Variants in CELF4 observed in about 807,000 individuals in gnomAD.
The protein encoded by CELF4 is CUGBP Elav-like family member 4, also known as CUG-BP- and ETR-3-like factor 4.
In CELF4, 18 loss-of-function variants were observed where a neutral mutation model predicts 59.9. That is an observed-to-expected ratio of 0.30 (90% CI 0.21 to 0.45). The LOEUF (loss-of-function observed/expected upper bound fraction) is 0.45. Among genes scored for constraint, CELF4 ranks in the 20% least tolerant of loss-of-function variants. CELF4 has a pLI of 1.00. For synonymous variants in CELF4, 261 were observed against 267.1 expected, an observed-to-expected ratio of 0.98 and a Z score of 0.22; for missense variants, 456 against 689.0, an observed-to-expected ratio of 0.66 and a Z score of 3.79.
At chr18:37,288,081 C>G (rs925018437) in intron 3 of CELF4, among the ~76,000 whole-genome samples, 1 of 152,214 alleles carries the variant, frequency 6.6e-6, no homozygotes, top group Non-Finnish European at 1.5e-5. Context: ...ACCAGCTTCT[C>G]TTTCAACACA....
intron 9 of CELF4, 58 bp from the exon 10 acceptor site, chr18:37,264,815 A>G (rs2076621044): frequency 7.2e-7 from 1 of 1,395,344 alleles, no homozygotes; most frequent in African/African-American, 1.4e-5. Flanking sequence ...GGAAGCAGGA[A>G]GAAAGAGAGA....
chr18:37,451,474 T>G (rs995093530), intron 2 of CELF4, among the ~76,000 whole-genome samples: 1 of 152,202 alleles, frequency 6.6e-6, no homozygotes, highest in African/African-American at 2.4e-5. Flanking sequence ...TATGCAGGTA[T>G]GTACCCATGT....
chr18:37,369,740 C>T (rs1423846846), intron 2 of CELF4, among the ~76,000 whole-genome samples: 3 of 152,226 alleles, frequency 2.0e-5, no homozygotes, highest in Non-Finnish European at 2.9e-5. Flanking sequence ...CAGTGACTCT[C>T]GTAGAATCAC....
At chr18:37,318,000 T>G (rs1175753097) in intron 3 of CELF4, among the ~76,000 whole-genome samples, 1 of 152,190 alleles carries the variant, frequency 6.6e-6, no homozygotes, top group Non-Finnish European at 1.5e-5. Flanking sequence ...GAGAGAAGCC[T>G]TCCTCCTGCC....
chr18:37,560,447 T>C (rs1318316508), intron 1 of CELF4, among the ~76,000 whole-genome samples: 1 of 152,256 alleles, frequency 6.6e-6, no homozygotes, highest in African/African-American at 2.4e-5. Context: ...TAATGGTGAT[T>C]GTTGCTTTGA....
In CELF4 at chr18:37,254,526, G is replaced by A. The variant is rs1005036226; in HGVS notation, c.1334-588C>T. On this transcript the variant is annotated intron_variant, in intron 11 of 12. Coordinates refer to ENST00000420428, the MANE Select transcript of CELF4 (RefSeq NM_020180.4). This position sits in a 1 kb window ranked among gnomAD's most constrained non-coding sequence, Gnocchi z 5.1. ...GAGGCTGAGCCCTCGCGGGCCCTCC[G>A]CCCCCACTCCCGGCCTCTGCCCGCC... Among the ~76,000 whole-genome samples the A allele has an allele frequency of 6.6e-6, 1 of 151,746 alleles. No homozygotes were observed. Among genetic ancestry groups the A allele is most frequent in the African/African-American group, 2.4e-5 (1 of 41,288 alleles).
At chr18:37,255,091 A>C (rs1402415636) in intron 11 of CELF4, among the ~76,000 whole-genome samples, 1 of 152,152 alleles carries the variant, frequency 6.6e-6, no homozygotes, top group Non-Finnish European at 1.5e-5. Context: ...TTTCTCCTGT[A>C]AAAAGGACTT....
chr18:37,531,822 G>C (rs540245719), intron 1 of CELF4, among the ~76,000 whole-genome samples: 8 of 152,332 alleles, frequency 5.3e-5, no homozygotes, highest in Admixed American at 2.6e-4. Context: ...TCCGGGTGCA[G>C]TTAGGGTCCT....
chr18:37,556,715 C>CTTG, intron 1 of CELF4, among the ~76,000 whole-genome samples: 1 of 152,062 alleles, frequency 6.6e-6, no homozygotes, highest in African/African-American at 2.4e-5. Context: ...CTTGCTTGTC[C>CTTG]CTGTAAAGGG....
chr18:37,430,862 A>G (rs758420304), intron 2 of CELF4, among the ~76,000 whole-genome samples: 27 of 152,300 alleles, frequency 1.8e-4, no homozygotes, highest in Admixed American at 3.3e-4. Flanking sequence ...CTGGCACATT[A>G]GCAGGTCTCA....
chr18:37,390,804 G>GAGC lies in CELF4; in HGVS notation c.370-68924_370-68923insGCT, dbSNP rs759387784. On this transcript the variant is annotated intron_variant, in intron 2 of 12. Coordinates refer to ENST00000420428, the MANE Select transcript of CELF4 (RefSeq NM_020180.4). The stretch of plus-strand genomic sequence containing the variant: ...GAAGGCTGGTGGTGGTGATGGGGCG[G>GAGC]GGAGGGGGGGCAGTGCTGCTGGCCG... Among the ~76,000 whole-genome samples, 10 of 66,282 alleles carry GAGC rather than the reference G, an allele frequency of 1.5e-4. 2 individuals are homozygous for GAGC. Among genetic ancestry groups the GAGC allele is most frequent in the Admixed American group, 2.8e-4 (2 of 7,196 alleles). 43.5% of individuals were successfully genotyped at this position (66,282 alleles called of 152,430 possible). A position where few individuals can be genotyped will look rare whatever the true frequency, so the allele number is the denominator to read the frequency against.
intron 1 of CELF4, among the ~76,000 whole-genome samples, chr18:37,535,187 G>A (rs2099972560): frequency 6.6e-6 from 1 of 152,150 alleles, no homozygotes; most frequent in African/African-American, 2.4e-5. Flanking sequence ...TGGAGGATTA[G>A]CTAATTGGTG....
intron 3 of CELF4, among the ~76,000 whole-genome samples, chr18:37,283,370 TC>T (rs763878713): frequency 5.8e-4 from 88 of 151,702 alleles, no homozygotes; most frequent in Non-Finnish European, 1.1e-3. Context: ...CTGTGGTGGC[TC>T]CCCCTCACTC....
chr18:37,251,505 C>T (rs2154267667), intron 12 of CELF4, among the ~76,000 whole-genome samples: 1 of 152,302 alleles, frequency 6.6e-6, no homozygotes, highest in East Asian at 1.9e-4. Flanking sequence ...AGGGGTGCCC[C>T]TTGGAATCTC....
intron 2 of CELF4, among the ~76,000 whole-genome samples, chr18:37,386,423 G>A (rs2099100235): frequency 6.6e-6 from 1 of 152,202 alleles, no homozygotes; most frequent in African/African-American, 2.4e-5. Context: ...AGACGGGAAG[G>A]CAGTGCTGTG....
At chr18:37,277,546 G>T (rs2093518087) in intron 3 of CELF4, among the ~76,000 whole-genome samples, 1 of 152,170 alleles carries the variant, frequency 6.6e-6, no homozygotes, top group Admixed American at 6.5e-5. Flanking sequence ...GTGGGGGAGA[G>T]AAAATGGCAG....
chr18:37,559,832 G>A (rs975502772), intron 1 of CELF4, among the ~76,000 whole-genome samples: 3 of 152,208 alleles, frequency 2.0e-5, no homozygotes, highest in Non-Finnish European at 2.9e-5. Flanking sequence ...CCATGATCAA[G>A]TTGCTGGAGT....
At chr18:37,526,305 GAGTA>G (rs2099963765) in intron 1 of CELF4, among the ~76,000 whole-genome samples, 1 of 152,230 alleles carries the variant, frequency 6.6e-6, no homozygotes, top group Admixed American at 6.5e-5. Context: ...GCGTGGCTGT[GAGTA>G]AGCATGTCAA....
At chr18:37,446,123 G>T (rs1156767013) in intron 2 of CELF4, among the ~76,000 whole-genome samples, 1 of 152,174 alleles carries the variant, frequency 6.6e-6, no homozygotes, top group African/African-American at 2.4e-5. Context: ...TGGATGCTTT[G>T]CCTTAGCAGG....
Sources: gnomAD v4.1 joint callset for allele counts (sites outside exome capture counted in the v4.1 genomes callset) on GRCh38, gnomAD v4.1.1 for gene constraint, Gnocchi (gnomAD v3.1) non-coding constraint, MANE v1.5 for transcripts, NCBI Gene and HGNC (gene_info 2026-07-23, HGNC 2026-07-21) for gene names.